Variants in PEX14 observed in about 807,000 individuals in gnomAD.
PEX14 encodes the protein peroxisomal biogenesis factor 14.
A neutral mutation model predicts 49.5 loss-of-function variants in PEX14; 15 were observed. The ratio of observed to expected loss-of-function variants is 0.30; its 90% CI spans 0.20 to 0.47. The LOEUF (loss-of-function observed/expected upper bound fraction) is 0.47. Among genes scored for constraint, PEX14 ranks in the 20% least tolerant of loss-of-function variants. The pLI is 1.00. For synonymous variants in PEX14, 210 were observed against 212.7 expected, an observed-to-expected ratio of 0.99 and a Z score of 0.11; for missense variants, 398 against 494.8, an observed-to-expected ratio of 0.80 and a Z score of 1.86.
Position 10,628,292 on chromosome 1 carries a change from G to T in PEX14, c.677+929G>T, listed in dbSNP as rs1193934602. 1.3e-5 allele frequency among the ~76,000 whole-genome samples: 2 copies of T among 152,362 alleles called. No homozygotes were observed. The highest frequency in any genetic ancestry group is 3.9e-4 in the East Asian group (2 of 5,184). On this transcript the variant is annotated intron_variant, in intron 8 of 8. Coordinates refer to ENST00000356607, the MANE Select transcript of PEX14 (RefSeq NM_004565.3). This position sits in a 1 kb window ranked among gnomAD's most constrained non-coding sequence, Gnocchi z 4.5. Reference sequence around the variant, plus strand: ...CAGGAGCCACTCTGTCCTGGGAGCCGCAACTGTGGGCCATCCTCCTGGGCT... The same window carrying T: ...CAGGAGCCACTCTGTCCTGGGAGCCTCAACTGTGGGCCATCCTCCTGGGCT...
At chr1:10,587,362 C>G (rs1049665234) in intron 3 of PEX14, among the ~76,000 whole-genome samples, 33 of 151,854 alleles carry the variant, frequency 2.2e-4, no homozygotes, top group African/African-American at 7.2e-4. Context: ...GGCTGAGGCA[C>G]GAGAATTGCT....
At chr1:10,490,783 C>A (rs2124392652) in intron 1 of PEX14, among the ~76,000 whole-genome samples, 1 of 151,338 alleles carries the variant, frequency 6.6e-6, no homozygotes, top group African/African-American at 2.4e-5. Flanking sequence ...CTCACCACAG[C>A]CTCAACCTCC....
chr1:10,593,029 T>C (rs1178303857), intron 3 of PEX14, among the ~76,000 whole-genome samples: 2 of 152,270 alleles, frequency 1.3e-5, no homozygotes, highest in Non-Finnish European at 2.9e-5. Context: ...AGCCTGCCAG[T>C]TTCCTCAGTC....
chr1:10,579,832 T>C (rs1174164871), intron 3 of PEX14, among the ~76,000 whole-genome samples: 1 of 152,084 alleles, frequency 6.6e-6, no homozygotes, highest in Admixed American at 6.5e-5. Context: ...ACCTGTCTTA[T>C]CAGCAAGGTC....
At chr1:10,583,589 A>G (rs896204025) in intron 3 of PEX14, among the ~76,000 whole-genome samples, 1 of 152,036 alleles carries the variant, frequency 6.6e-6, no homozygotes, top group Non-Finnish European at 1.5e-5. Context: ...TACTAGGAAC[A>G]TAGCAGTGAA....
chr1:10,604,271 T>C (rs1226170191), intron 4 of PEX14, among the ~76,000 whole-genome samples: 3 of 152,116 alleles, frequency 2.0e-5, no homozygotes, highest in Non-Finnish European at 2.9e-5. Flanking sequence ...TCAGACAGGA[T>C]AGACAAGAGC....
At chr1:10,602,531 C>T (rs899786659) in intron 4 of PEX14, among the ~76,000 whole-genome samples, 2 of 151,962 alleles carry the variant, frequency 1.3e-5, no homozygotes, top group Admixed American at 6.5e-5. Flanking sequence ...TAATTTATTA[C>T]ATAAAATATC....
At chr1:10,503,720 C>T (rs889111529) in intron 2 of PEX14, among the ~76,000 whole-genome samples, 34 of 151,716 alleles carry the variant, frequency 2.2e-4, no homozygotes, top group Non-Finnish European at 5.9e-5. Context: ...TCCAGGATAA[C>T]CTTTTTTCTT....
intron 4 of PEX14, among the ~76,000 whole-genome samples, chr1:10,609,211 C>T (rs1641208166): frequency 6.6e-6 from 1 of 152,176 alleles, no homozygotes; most frequent in South Asian, 2.1e-4. Context: ...ATGAATAATG[C>T]TGCAAAGAAC....
At chr1:10,547,528 C>T (rs1328730447) in intron 3 of PEX14, among the ~76,000 whole-genome samples, 1 of 152,082 alleles carries the variant, frequency 6.6e-6, no homozygotes, top group Non-Finnish European at 1.5e-5. Context: ...CGGCTAGTAC[C>T]GAACTCTGTA....
rs1248857972 is a variant in PEX14, at chr1:10,535,683, T to C, written c.85-530T>C. Among the ~76,000 whole-genome samples, 4 of 152,210 alleles carry C rather than the reference T, an allele frequency of 2.6e-5. No individual in the cohort carries two copies. In the East Asian group the frequency reaches 7.7e-4, roughly 29 times the overall value. On this transcript the variant is annotated intron_variant, in intron 2 of 8. Transcript: ENST00000356607. ...GTACACAGTACAGGCACTGAAGAAT[T>C]GAAGAGAATAGGGAGATCAGAGATG...
intron 1 of PEX14, among the ~76,000 whole-genome samples, chr1:10,491,189 A>G (rs1349680976): frequency 1.3e-5 from 2 of 151,946 alleles, no homozygotes; most frequent in East Asian, 1.9e-4. Flanking sequence ...TTAAACAGCT[A>G]GCATGGTGGA....
chr1:10,624,121 C>T (rs1557437703), intron 6 of PEX14, among the ~76,000 whole-genome samples: 1 of 152,142 alleles, frequency 6.6e-6, no homozygotes, highest in Non-Finnish European at 1.5e-5. Context: ...CCATGGACAA[C>T]TACACAATGG....
intron 3 of PEX14, among the ~76,000 whole-genome samples, chr1:10,591,049 G>A (rs995477207): frequency 1.3e-5 from 2 of 152,194 alleles, no homozygotes; most frequent in African/African-American, 4.8e-5. Context: ...GTGTCTTATA[G>A]TGGAGTTGTT....
At chr1:10,567,562 C>T (rs6661757) in intron 3 of PEX14, among the ~76,000 whole-genome samples, 96,668 of 151,926 alleles carry the variant, frequency 0.64, 31,458 homozygotes, top group Admixed American at 0.71. Context: ...GGCATGATCT[C>T]GGCTCACTGC....
intron 4 of PEX14, among the ~76,000 whole-genome samples, chr1:10,600,099 A>G (rs1640940058): frequency 6.6e-6 from 1 of 152,230 alleles, no homozygotes; most frequent in East Asian, 1.9e-4. Context: ...AGTTATGGAA[A>G]ATAGCTCCAT....
rs570704825 is a variant in PEX14 at position 10,613,097 on chromosome 1, G to T, written c.299-5235G>T. Among the ~76,000 whole-genome samples, 2 of 152,344 alleles carry T rather than the reference G, an allele frequency of 1.3e-5. No individual in the cohort carries two copies. Among genetic ancestry groups the T allele is most frequent in the Non-Finnish European group, 2.9e-5 (2 of 68,036 alleles). On this transcript the variant is annotated intron_variant, in intron 4 of 8. Transcript: ENST00000356607. The surrounding 1 kb of genome is among the most constrained non-coding windows in gnomAD (Gnocchi z 5.0). ...GTTGCCGATGAACCTTTACTGGATT[G>T]CAGGATTTCCATGGTGTGGATCGGT...
intron 2 of PEX14, among the ~76,000 whole-genome samples, chr1:10,498,357 T>C (rs1027671677): frequency 1.3e-5 from 2 of 152,208 alleles, no homozygotes; most frequent in Admixed American, 6.5e-5. Flanking sequence ...GAAGAAGTTC[T>C]ATTTAGTAGT....
At chr1:10,505,259 C>T (rs1641761545) in intron 2 of PEX14, among the ~76,000 whole-genome samples, 1 of 152,072 alleles carries the variant, frequency 6.6e-6, no homozygotes, top group Admixed American at 6.6e-5. Context: ...TGCTTGAGCC[C>T]AGGAGTTTTG....
Sources: allele counts gnomAD v4.1 joint callset (sites outside exome capture counted in the v4.1 genomes callset), GRCh38; gene constraint gnomAD v4.1.1; non-coding constraint Gnocchi (gnomAD v3.1); transcripts MANE v1.5; gene names NCBI Gene and HGNC (gene_info 2026-07-23, HGNC 2026-07-21).